Variants in LY75 observed in about 807,000 individuals in gnomAD.
LY75 encodes lymphocyte antigen 75.
LY75 carries 185 observed loss-of-function variants against 231.7 expected under a neutral mutation model. The ratio of observed to expected loss-of-function variants is 0.80; its 90% CI spans 0.71 to 0.90. The LOEUF (loss-of-function observed/expected upper bound fraction) is 0.90. Ranked by LOEUF, LY75 falls within the 40% of genes least tolerant of loss-of-function variation. The pLI, the probability that LY75 is intolerant of heterozygous loss-of-function variation, is 0.00. For synonymous variants in LY75, 668 were observed against 689.0 expected (o/e 0.97, Z 0.48); for missense variants, 1,947 against 2,050.2 (o/e 0.95, Z 0.97).
Position 159,882,268 on chromosome 2 carries a change from T to G in LY75, c.1102A>C (p.Asn368His). 6.2e-7 allele frequency: 1 copy of G among 1,614,028 alleles called. No homozygotes were observed. Among genetic ancestry groups the G allele is most frequent in the Non-Finnish European group, 8.5e-7 (1 of 1,179,906 alleles). ...ACCAGCAGATAGCAAAATCCATTAT[T>G]TGGCAGCCAGCCTGCATCACAGCGG... ...DTRCDAGWLPNNGFCYLLVNE... is the reference protein window; with the variant it reads ...DTRCDAGWLPHNGFCYLLVNE... The change falls in exon 7 of 35, where the codon AAT becomes CAT. Residue 368 changes from asparagine to histidine, a missense_variant. By Grantham distance (68) the Asn-to-His change is moderately conservative (BLOSUM62 1). Coordinates refer to ENST00000263636, the MANE Select transcript of LY75 (RefSeq NM_002349.4).
intron 28 of LY75, among the ~76,000 whole-genome samples, chr2:159,827,194 T>G (rs1440767789): frequency 1.3e-5 from 2 of 152,050 alleles, no homozygotes; most frequent in South Asian, 2.1e-4. Flanking sequence ...GAGAGAAAAT[T>G]TTTGCAGTCT....
At chr2:159,853,786 A>AT in intron 18 of LY75, 89 bp from the exon 19 acceptor site, 1 of 1,545,582 alleles carries the variant, frequency 6.5e-7, no homozygotes, top group East Asian at 2.3e-5. Flanking sequence ...ATAATCACTA[A>AT]CCACTAAAAT....
intron 23 of LY75, among the ~76,000 whole-genome samples, chr2:159,846,183 A>G (rs1684196647): frequency 6.6e-6 from 1 of 152,070 alleles, no homozygotes; most frequent in African/African-American, 2.4e-5. Context: ...AACATGTATC[A>G]TATACCATGG....
chr2:159,874,196 T>TA, intron 12 of LY75, among the ~76,000 whole-genome samples: 1 of 92,264 alleles, frequency 1.1e-5, no homozygotes, highest in Non-Finnish European at 2.2e-5. Flanking sequence ...ATAAATATAT[T>TA]GTAAATATAT....
At chr2:159,824,406 A>T (rs1303264374) in intron 28 of LY75, among the ~76,000 whole-genome samples, 1 of 152,238 alleles carries the variant, frequency 6.6e-6, no homozygotes. Context: ...TCAATGCAGC[A>T]AGAAGAGTTA....
At chr2:159,889,342 C>T (rs1042491634) in intron 4 of LY75, among the ~76,000 whole-genome samples, 1 of 152,156 alleles carries the variant, frequency 6.6e-6, no homozygotes. Flanking sequence ...AATCCTTCTA[C>T]CTCAGTCTCC....
Position 159,805,138 on chromosome 2 carries a change from T to G in LY75, c.5075A>C (p.Gln1692Pro). Residue 1692 changes from glutamine (Q) to proline (P), a missense_variant, in exon 35 of 35, where the codon CAA becomes CCA. Coordinates refer to ENST00000263636, the MANE Select transcript of LY75 (RefSeq NM_002349.4). ...LMGGLIWFLFQRHRLHLAGFS... is the reference protein window; with the variant it reads ...LMGGLIWFLFPRHRLHLAGFS... ...ACCCGCCAGGTGCAAACGGTGCCTT[T>G]GGAAGAGGAACCAAATCAGTCCGCC... is the stretch of plus-strand genomic sequence containing the variant. 1 of 1,614,180 alleles carries G rather than the reference T, an allele frequency of 6.2e-7. No individual in the cohort carries two copies. Among genetic ancestry groups the G allele is most frequent in the East Asian group, 2.2e-5 (1 of 44,876 alleles).
rs1232326421 is a variant in LY75, at chr2:159,821,635, AAAG to A, written c.3959-1718_3959-1716del. ...AGTCTGTCTCAAAAAAAAAAAAAGA[AAAG>A]AAAAGAAAGAAAACATAGGAGTAAG... On this transcript the variant is annotated intron_variant, in intron 28 of 34. Coordinates refer to ENST00000263636, the MANE Select transcript of LY75 (RefSeq NM_002349.4). Among the ~76,000 whole-genome samples the A allele has an allele frequency of 5.3e-3, 172 of 32,694 alleles. 3 individuals carry two copies. The highest frequency in any genetic ancestry group is 8.8e-3 in the East Asian group (9 of 1,020). The allele number at this position is 32,694 out of a possible 152,430, so 21.4% of individuals were successfully genotyped here. A position where few individuals can be genotyped will look rare whatever the true frequency, so the allele number is the denominator to read the frequency against.
At chr2:159,900,993 C>G (rs1024958864) in intron 1 of LY75, among the ~76,000 whole-genome samples, 2 of 152,134 alleles carry the variant, frequency 1.3e-5, no homozygotes, top group Non-Finnish European at 2.9e-5. Flanking sequence ...TGCCTGCCAC[C>G]ACACCCGGGT....
intron 13 of LY75, among the ~76,000 whole-genome samples, chr2:159,868,943 T>C (rs555959110): frequency 6.6e-6 from 1 of 152,166 alleles, no homozygotes; most frequent in African/African-American, 2.4e-5. Context: ...GCCCCACACA[T>C]ATACACCATG....
intron 33 of LY75, 112 bp downstream of exon 33, chr2:159,808,337 A>T (rs998007897): frequency 2.9e-5 from 45 of 1,564,328 alleles, no homozygotes; most frequent in Non-Finnish European, 3.8e-5. Context: ...TTATTTATCC[A>T]GAAGAGGCAT....
rs772936464 is a variant in LY75 at position 159,842,310 on chromosome 2, G to A, written c.3215C>T (p.Thr1072Ile). The change falls in exon 24 of 35, where the codon ACT becomes ATT. Residue 1072 changes from threonine (T) to isoleucine (I), a missense_variant. Transcript: ENST00000263636. ...GCAGGATGTAAAATTCCACGTCCCAGTAAACGGTGATTTTTGGAGGTTGAG... is the reference window on the plus strand; with the variant it reads ...GCAGGATGTAAAATTCCACGTCCCAATAAACGGTGATTTTTGGAGGTTGAG... The part of the protein sequence containing the change: ...LILNLQKSPF[T>I]GTWNFTSCSE... 13 of 1,612,698 alleles carry A rather than the reference G, an allele frequency of 8.1e-6. No homozygotes were observed. In the African/African-American group the frequency reaches 1.6e-4, roughly 20 times the overall value.
intron 14 of LY75, among the ~76,000 whole-genome samples, chr2:159,861,945 A>G (rs556276576): frequency 3.3e-5 from 5 of 152,020 alleles, no homozygotes; most frequent in African/African-American, 1.2e-4. Flanking sequence ...GCCTGAGCTC[A>G]GGAGTTTGAG....
At chr2:159,858,233 T>C in intron 16 of LY75, 129 bp downstream of exon 16, 1 of 1,169,042 alleles carries the variant, frequency 8.6e-7, no homozygotes, top group Non-Finnish European at 1.2e-6. Context: ...GCTCCACATA[T>C]TAATTGCATC....
At position 159,886,860 on chromosome 2, in the gene LY75, T is replaced by C. The variant is rs971627230; in HGVS notation, c.803-330A>G. Among the ~76,000 whole-genome samples, 4 of 152,248 alleles carry C rather than the reference T, an allele frequency of 2.6e-5. No individual in the cohort carries two copies. In the South Asian group the frequency reaches 6.2e-4, roughly 24 times the overall value. On this transcript the variant is annotated intron_variant, in intron 4 of 34. Transcript: ENST00000263636. ...CTCTTTTATTAATATAGAAGACTTATCAAAAGCAGTTTCCATTGTACTTCT... is the reference window on the plus strand; with the variant it reads ...CTCTTTTATTAATATAGAAGACTTACCAAAAGCAGTTTCCATTGTACTTCT...
chr2:159,893,485 G>C (rs1685819232), intron 3 of LY75, among the ~76,000 whole-genome samples: 1 of 152,130 alleles, frequency 6.6e-6, no homozygotes, highest in Non-Finnish European at 1.5e-5. Flanking sequence ...ACATAAATTT[G>C]TTGCAATTTT....
At chr2:159,893,475 A>T (rs1216979045) in intron 3 of LY75, among the ~76,000 whole-genome samples, 1 of 152,204 alleles carries the variant, frequency 6.6e-6, no homozygotes, top group African/African-American at 2.4e-5. Context: ...GATTGTAACT[A>T]CATAAATTTG....
intron 4 of LY75, among the ~76,000 whole-genome samples, chr2:159,887,958 A>G (rs909569948): frequency 2.0e-5 from 3 of 152,162 alleles, no homozygotes; most frequent in African/African-American, 7.2e-5. Flanking sequence ...ATTTATCGGC[A>G]CTTTTCATTC....
At chr2:159,875,916 A>G (rs1272426956) in intron 11 of LY75, among the ~76,000 whole-genome samples, 2 of 152,178 alleles carry the variant, frequency 1.3e-5, no homozygotes, top group Non-Finnish European at 2.9e-5. Context: ...GACTTGTTCA[A>G]GGTCATAGAA....
Sources: allele counts gnomAD v4.1 joint callset (sites outside exome capture counted in the v4.1 genomes callset), GRCh38; gene constraint gnomAD v4.1.1; transcripts MANE v1.5; gene names NCBI Gene and HGNC (gene_info 2026-07-23, HGNC 2026-07-21).